HNF4G: variants seen among roughly 807,000 people sequenced by gnomAD.
HNF4G encodes the protein hepatocyte nuclear factor 4 gamma.
Under a neutral mutation model 50.9 loss-of-function variants are expected in HNF4G, and 21 were observed. The ratio of observed to expected loss-of-function variants is 0.41; its 90% CI spans 0.29 to 0.59. HNF4G has a LOEUF of 0.59. Among genes scored for constraint, HNF4G ranks in the 20% least tolerant of loss-of-function variants. The pLI is 0.26. For missense variants in HNF4G, 527 were observed against 559.4 expected, an observed-to-expected ratio of 0.94 and a Z score of 0.58; for synonymous variants, 198 against 185.6, an observed-to-expected ratio of 1.07 and a Z score of -0.54.
intron 2 of HNF4G, among the ~76,000 whole-genome samples, chr8:75,500,127 A>G (rs540056462): frequency 6.6e-6 from 1 of 152,152 alleles, no homozygotes; most frequent in East Asian, 1.9e-4. Flanking sequence ...CATATGTCAG[A>G]TAAGGGTCTT....
intron 3 of HNF4G, among the ~76,000 whole-genome samples, chr8:75,548,872 G>T (rs1210676094): frequency 6.6e-6 from 1 of 152,084 alleles, no homozygotes; most frequent in Non-Finnish European, 1.5e-5. Context: ...GTTTTGCTCA[G>T]GTTGGTAGTG....
chr8:75,541,407 TCTAA>T (rs1424618589), intron 1 of HNF4G, among the ~76,000 whole-genome samples: 2 of 152,144 alleles, frequency 1.3e-5, no homozygotes, highest in East Asian at 3.8e-4. Context: ...TCCAAACAGT[TCTAA>T]CTTTCATATT....
In HNF4G at chr8:75,458,917, C is replaced by T. The variant is rs372652019; in HGVS notation, c.-143-31172C>T. On this transcript the variant is annotated intron_variant, in intron 1 of 10. Transcript: ENST00000354370. Reference sequence around the variant, plus strand: ...TATTAATGAAAACATTCTGATTATCCTTAATAATGTACATTTTTAAAGGTC... The same window carrying T: ...TATTAATGAAAACATTCTGATTATCTTTAATAATGTACATTTTTAAAGGTC... Among the ~76,000 whole-genome samples the T allele has an allele frequency of 1.3e-4, 20 of 152,132 alleles. No individual in the cohort carries two copies. The East Asian group carries it at 3.3e-3, about 25-fold the overall frequency.
At chr8:75,440,922 A>G (rs1301112290) in intron 1 of HNF4G, among the ~76,000 whole-genome samples, 1 of 152,082 alleles carries the variant, frequency 6.6e-6, no homozygotes, top group Admixed American at 6.6e-5. Context: ...CATTAAAGTG[A>G]TCATGGCTCA....
At chr8:75,481,925 A>G (rs948879358) in intron 1 of HNF4G, among the ~76,000 whole-genome samples, 9 of 151,956 alleles carry the variant, frequency 5.9e-5, no homozygotes, top group African/African-American at 2.2e-4. Flanking sequence ...CTAACATAAC[A>G]TAATCTACTT....
In HNF4G at chr8:75,551,478, A is replaced by C; in HGVS notation, c.473A>C (p.Glu158Ala). 1 of 1,609,736 alleles carries C rather than the reference A, an allele frequency of 6.2e-7. No homozygotes were observed. Among genetic ancestry groups the C allele is most frequent in the Non-Finnish European group, 8.5e-7 (1 of 1,176,210 alleles). The change falls in exon 4 of 10, where the codon GAA becomes GCA. Residue 158 changes from glutamate (E) to alanine (A), a missense_variant. By Grantham distance (107) the Glu-to-Ala change is moderately radical (BLOSUM62 -1). Coordinates refer to ENST00000396423, the MANE Select transcript of HNF4G (RefSeq NM_004133.5). ...IPSINTLAQA[E>A]VRSRQISVSS... is the part of the protein sequence containing the mutation. ...TCCATTAACACACTGGCACAAGCTG[A>C]AGTTCGGTCTCGCCAGGTACCTGTG...
At chr8:75,414,013 T>G (rs1810569018) in intron 1 of HNF4G, among the ~76,000 whole-genome samples, 1 of 152,176 alleles carries the variant, frequency 6.6e-6, no homozygotes, top group African/African-American at 2.4e-5. Context: ...TAAGTCAGGT[T>G]TATTGAGATA....
intron 1 of HNF4G, among the ~76,000 whole-genome samples, chr8:75,440,447 C>T (rs1811251432): frequency 6.6e-6 from 1 of 152,146 alleles, no homozygotes; most frequent in Admixed American, 6.5e-5. Context: ...ACACCAACTG[C>T]TTTTTAAAAC....
intron 1 of HNF4G, among the ~76,000 whole-genome samples, chr8:75,468,014 T>G (rs530315113): frequency 6.6e-6 from 1 of 152,298 alleles, no homozygotes; most frequent in Admixed American, 6.5e-5. Flanking sequence ...TATACAAAAA[T>G]GTACATATGC....
chr8:75,478,885 G>A (rs1403248924), intron 1 of HNF4G, among the ~76,000 whole-genome samples: 1 of 152,070 alleles, frequency 6.6e-6, no homozygotes, highest in Non-Finnish European at 1.5e-5. Flanking sequence ...CACCACGCCT[G>A]GCTAATTTGT....
intron 3 of HNF4G, 66 bp from the exon 4 acceptor site, chr8:75,551,322 T>TA: frequency 1.1e-6 from 1 of 903,884 alleles, no homozygotes; most frequent in Non-Finnish European, 1.7e-6. Context: ...AAAAACTCCT[T>TA]AAAATCTATA....
intron 6 of HNF4G, 92 bp from the exon 7 acceptor site, chr8:75,558,426 A>T: frequency 8.4e-7 from 1 of 1,189,936 alleles, no homozygotes; most frequent in Non-Finnish European, 1.2e-6. Flanking sequence ...AGACTATTTT[A>T]AACACCGGTT....
intron 1 of HNF4G, among the ~76,000 whole-genome samples, chr8:75,452,374 T>G (rs1361434646): frequency 6.6e-6 from 1 of 152,140 alleles, no homozygotes; most frequent in Non-Finnish European, 1.5e-5. Flanking sequence ...CCTCAAGGTT[T>G]GTACACATTT....
At chr8:75,532,819 C>A (rs1225219761) in intron 2 of HNF4G, among the ~76,000 whole-genome samples, 1 of 152,020 alleles carries the variant, frequency 6.6e-6, no homozygotes, top group Non-Finnish European at 1.5e-5. Flanking sequence ...AGGGCTACAC[C>A]TCTAGCTGCA....
At chr8:75,523,755 G>A (rs1806108904) in intron 2 of HNF4G, among the ~76,000 whole-genome samples, 1 of 151,648 alleles carries the variant, frequency 6.6e-6, no homozygotes, top group African/African-American at 2.4e-5. Context: ...ACTAAATAGA[G>A]TATTAAATCA....
At chr8:75,445,651 C>T (rs1432618933) in intron 1 of HNF4G, among the ~76,000 whole-genome samples, 1 of 108,184 alleles carries the variant, frequency 9.2e-6, no homozygotes, top group East Asian at 3.1e-4. Flanking sequence ...ACTACAAACA[C>T]CTCTACGCAA....
intron 1 of HNF4G, among the ~76,000 whole-genome samples, chr8:75,440,006 A>T (rs1811239854): frequency 6.6e-6 from 1 of 152,074 alleles, no homozygotes; most frequent in Non-Finnish European, 1.5e-5. Flanking sequence ...AATCTGCATA[A>T]CTATTTCAGA....
intron 1 of HNF4G, among the ~76,000 whole-genome samples, chr8:75,466,295 T>A (rs1345657270): frequency 6.6e-6 from 1 of 152,134 alleles, no homozygotes; most frequent in Admixed American, 6.5e-5. Context: ...CCTCTTTATC[T>A]TCCAACTTTT....
chr8:75,443,185 A>T (rs1304781413), intron 1 of HNF4G, among the ~76,000 whole-genome samples: 1 of 152,170 alleles, frequency 6.6e-6, no homozygotes, highest in Non-Finnish European at 1.5e-5. Context: ...CCTTCACCAG[A>T]CACCAAATCT....
Sources: gnomAD v4.1 joint callset for allele counts (sites outside exome capture counted in the v4.1 genomes callset) on GRCh38, gnomAD v4.1.1 for gene constraint, MANE v1.5 for transcripts, NCBI Gene and HGNC (gene_info 2026-07-23, HGNC 2026-07-21) for gene names.